CHD9: variants seen among roughly 807,000 people sequenced by gnomAD.
CHD9 encodes the protein ATP-dependent chromatin remodeler CHD9.
A neutral mutation model predicts 316.1 loss-of-function variants in CHD9; 77 were observed. The observed-to-expected ratio is 0.24, with a 90% CI of 0.20 to 0.29. CHD9 has a LOEUF of 0.29. Ranked by LOEUF, CHD9 falls within the 10% of genes least tolerant of loss-of-function variation. The pLI is 1.00. For missense variants in CHD9, 2,763 were observed against 3,438.1 expected (o/e 0.80, Z 4.91); for synonymous variants, 1,129 against 1,158.3 (o/e 0.97, Z 0.51).
At chr16:53,323,597 T>C (rs940224082) in intron 38 of CHD9, among the ~76,000 whole-genome samples, 4 of 152,250 alleles carry the variant, frequency 2.6e-5, no homozygotes, top group African/African-American at 9.6e-5. Context: ...AGCATCTTAC[T>C]ATAACCTTAA....
Position 53,072,043 on chromosome 16 carries a change from C to T in CHD9, c.-165+16966C>T, listed in dbSNP as rs1011339295. 7.2e-5 allele frequency among the ~76,000 whole-genome samples: 11 copies of T among 152,204 alleles called. No individual in the cohort carries two copies. The East Asian group carries it at 2.1e-3, about 29-fold the overall frequency. ...ACAGACACACATGCATGCACACCCA[C>T]CTCTGTATCCAAATGTCTGCAGAAT... is the stretch of plus-strand genomic sequence containing the variant. On this transcript the variant is annotated intron_variant, in intron 1 of 38. Transcript: ENST00000447540.
chr16:53,324,540 C>A lies in CHD9; in HGVS notation c.8339C>A (p.Ala2780Asp). The A allele has an allele frequency of 6.2e-7, 1 of 1,613,866 alleles. No homozygotes were observed. Among genetic ancestry groups the A allele is most frequent in the Non-Finnish European group, 8.5e-7 (1 of 1,179,820 alleles). ...VSSSPSTSSTAALNTAAAANP... is the reference protein window; with the variant it reads ...VSSSPSTSSTDALNTAAAANP... ...AGTTCTCCTTCCACATCCTCTACTG[C>A]TGCATTAAATACAGCTGCAGCTGCC... Residue 2780 changes from alanine (A) to aspartate (D), a missense_variant, in exon 39 of 39, where the codon GCT (alanine) becomes GAT (aspartate). Around this residue, in one of 15 missense-constraint regions of CHD9, gnomAD observed 298 missense variants for 380.2 expected, o/e 0.78. Coordinates refer to ENST00000447540, the MANE Select transcript of CHD9 (RefSeq NM_001308319.2).
intron 1 of CHD9, among the ~76,000 whole-genome samples, chr16:53,130,456 G>A (rs2039176014): frequency 1.3e-5 from 2 of 150,992 alleles, no homozygotes; most frequent in African/African-American, 4.8e-5. Flanking sequence ...GTGCCCTGCC[G>A]GGGCCTGACG....
intron 36 of CHD9, among the ~76,000 whole-genome samples, chr16:53,316,965 G>A (rs1256861031): frequency 3.3e-5 from 5 of 152,042 alleles, no homozygotes; most frequent in Admixed American, 6.6e-5. Context: ...TTGCGAGGCC[G>A]AGGCGGGCAG....
intron 1 of CHD9, among the ~76,000 whole-genome samples, chr16:53,114,445 A>G (rs1273217191): frequency 6.6e-6 from 1 of 151,946 alleles, no homozygotes; most frequent in Non-Finnish European, 1.5e-5. Flanking sequence ...TTTAGTAGAG[A>G]CGAGGTTTTG....
At chr16:53,184,875 C>T (rs926422851) in intron 2 of CHD9, among the ~76,000 whole-genome samples, 4 of 152,082 alleles carry the variant, frequency 2.6e-5, no homozygotes, top group Non-Finnish European at 5.9e-5. Context: ...TAAGGGGCTT[C>T]CCCCTTTGCT....
At chr16:53,116,049 G>A (rs750246749) in intron 1 of CHD9, among the ~76,000 whole-genome samples, 3 of 152,098 alleles carry the variant, frequency 2.0e-5, no homozygotes, top group African/African-American at 7.2e-5. Context: ...ATACCAGCCT[G>A]ACATTTTCTT....
intron 1 of CHD9, among the ~76,000 whole-genome samples, chr16:53,134,924 A>G (rs1338989433): frequency 1.3e-5 from 2 of 152,218 alleles, no homozygotes; most frequent in Non-Finnish European, 2.9e-5. Context: ...ACAGATAAAG[A>G]ACAAGTAAAT....
At chr16:53,309,166 A>C (rs924811987) in intron 34 of CHD9, among the ~76,000 whole-genome samples, 3 of 152,208 alleles carry the variant, frequency 2.0e-5, no homozygotes, top group Non-Finnish European at 2.9e-5. Context: ...TGATTGGTAG[A>C]AGAAATTAAA....
rs150097852 is a variant in CHD9, at chr16:53,265,134, C to T, written c.4320+2037C>T. Among the ~76,000 whole-genome samples, 45 of 152,286 alleles carry T rather than the reference C, an allele frequency of 3.0e-4. No homozygotes were observed. The East Asian group carries it at 8.3e-3, about 28-fold the overall frequency. ...ATTAATACAGCTGGGCACAGTGGCT[C>T]ATTCCTGTATAATTCCAGCACTTCA... On this transcript the variant is annotated intron_variant, in intron 20 of 38. Transcript: ENST00000447540.
intron 1 of CHD9, among the ~76,000 whole-genome samples, chr16:53,084,084 G>A (rs766172836): frequency 5.9e-5 from 9 of 151,860 alleles, no homozygotes; most frequent in Non-Finnish European, 7.4e-5. Flanking sequence ...GTAGAGGTGA[G>A]GTCTCACTAT....
Position 53,229,065 on chromosome 16 carries a change from T to A in CHD9, c.2251T>A (p.Leu751Met), listed in dbSNP as rs78343231. 1.2e-3 allele frequency: 1,980 copies of A among 1,592,584 alleles called. 34 individuals are homozygous for A. The East Asian group carries it at 0.03, about 24-fold the overall frequency. Residue 751 changes from leucine to methionine, a missense_variant, in exon 8 of 39, where the codon TTG (leucine) becomes ATG (methionine). Transcript: ENST00000447540. ...RIQQKIKRFK[L>M]RQAQRAHFFA... ...CCAGCAGAAAATCAAACGATTCAAA[T>A]TGAGACAAGCACAAAGAGCACATTT...
rs2050939294 is a variant in CHD9 at position 53,259,946 on chromosome 16, C to T, written c.4210-3041C>T. On this transcript the variant is annotated intron_variant, in intron 19 of 38. Transcript: ENST00000447540. ...AACCCTATGAATGTCATTCAGTAAA[C>T]TTCACTATTCCTGAAAATTGATATG... Among the ~76,000 whole-genome samples, 3 of 152,202 alleles carry T rather than the reference C, an allele frequency of 2.0e-5. No individual in the cohort carries two copies. In the South Asian group the frequency reaches 6.2e-4, roughly 31 times the overall value.
intron 2 of CHD9, among the ~76,000 whole-genome samples, chr16:53,166,537 T>C (rs1226706650): frequency 6.6e-6 from 1 of 152,136 alleles, no homozygotes; most frequent in African/African-American, 2.4e-5. Context: ...ACATGAAATA[T>C]AAGATAATTT....
At chr16:53,241,448 C>G (rs2152948389) in intron 12 of CHD9, among the ~76,000 whole-genome samples, 1 of 152,300 alleles carries the variant, frequency 6.6e-6, no homozygotes, top group South Asian at 2.1e-4. Context: ...GCTGAAATTC[C>G]TAAGCCTGTA....
At chr16:53,134,086 TAG>T (rs2039537458) in intron 1 of CHD9, among the ~76,000 whole-genome samples, 1 of 152,094 alleles carries the variant, frequency 6.6e-6, no homozygotes, top group African/African-American at 2.4e-5. Context: ...AATGAAATCC[TAG>T]AGAGTCTATA....
At position 53,273,929 on chromosome 16, in the gene CHD9, A is replaced by T. The variant is rs181057196; in HGVS notation, c.4877+144A>T. ...TCCTAATTTTACAAGGTATCCTACAAGCAAATCATGATACCTCTTGTGTCA... is the reference window on the plus strand; with the variant it reads ...TCCTAATTTTACAAGGTATCCTACATGCAAATCATGATACCTCTTGTGTCA... On this transcript the variant is annotated intron_variant, in intron 23 of 38. Coordinates refer to ENST00000447540, the MANE Select transcript of CHD9 (RefSeq NM_001308319.2). 488 of 778,740 alleles carry T rather than the reference A, an allele frequency of 6.3e-4. 2 individuals carry two copies. In the East Asian group the frequency reaches 0.01, roughly 17 times the overall value. 48.2% of individuals were successfully genotyped at this position (778,740 alleles called of 1,614,324 possible). A position where few individuals can be genotyped will look rare whatever the true frequency, so the allele number is the denominator to read the frequency against.
intron 1 of CHD9, among the ~76,000 whole-genome samples, chr16:53,119,965 C>T (rs2152649369): frequency 6.6e-6 from 1 of 152,240 alleles, no homozygotes; most frequent in East Asian, 1.9e-4. Context: ...GTGGCTCACA[C>T]CTATAATCCT....
intron 17 of CHD9, among the ~76,000 whole-genome samples, chr16:53,251,138 A>G (rs1433575325): frequency 6.6e-6 from 1 of 152,218 alleles, no homozygotes; most frequent in Non-Finnish European, 1.5e-5. Flanking sequence ...TGTGCCACAT[A>G]AGATCTCTGT....
Sources: gnomAD v4.1 joint callset for allele counts (sites outside exome capture counted in the v4.1 genomes callset) on GRCh38, gnomAD v4.1.1 for gene constraint, gnomAD v4.1.1 regional missense constraint, MANE v1.5 for transcripts, NCBI Gene and HGNC (gene_info 2026-07-23, HGNC 2026-07-21) for gene names.